Variants in SLC36A4 observed in about 807,000 individuals in gnomAD.
The protein encoded by SLC36A4 is neutral amino acid uniporter 4.
SLC36A4 carries 49 observed loss-of-function variants against 50.5 expected under a neutral mutation model. The ratio of observed to expected loss-of-function variants is 0.97; its 90% CI spans 0.77 to 1.23. SLC36A4 has a LOEUF of 1.23. SLC36A4 is among the 50% of genes most tolerant of loss of function. SLC36A4 has a pLI of 0.00. For missense variants in SLC36A4, 611 were observed against 608.4 expected, an observed-to-expected ratio of 1.00 and a Z score of -0.05; for synonymous variants, 207 against 206.5, an observed-to-expected ratio of 1.00 and a Z score of -0.02.
At chr11:93,184,287 T>C (rs113287327) in intron 3 of SLC36A4, 143 bp downstream of exon 3, 1 of 671,616 alleles carries the variant, frequency 1.5e-6, no homozygotes. Flanking sequence ...TTATCACAGT[T>C]GACACAATTT....
intron 1 of SLC36A4, among the ~76,000 whole-genome samples, chr11:93,190,483 A>G (rs1035517672): frequency 2.0e-5 from 3 of 152,130 alleles, no homozygotes; most frequent in Non-Finnish European, 4.4e-5. Flanking sequence ...TATCTTATGT[A>G]CTCCACAAAT....
At chr11:93,150,734 G>A (rs1280269850) in intron 10 of SLC36A4, among the ~76,000 whole-genome samples, 1 of 152,022 alleles carries the variant, frequency 6.6e-6, no homozygotes, top group Non-Finnish European at 1.5e-5. Context: ...GGGAGCTATA[G>A]AGCATAACTC....
In SLC36A4 at chr11:93,189,649, G is replaced by A. The variant is rs115045659; in HGVS notation, c.56-3835C>T. Among the ~76,000 whole-genome samples the A allele has an allele frequency of 4.8e-3, 730 of 152,252 alleles. 3 individuals are homozygous for A. The highest frequency in any genetic ancestry group is 0.017 in the African/African-American group (688 of 41,532). On this transcript the variant is annotated intron_variant, in intron 1 of 10. Transcript: ENST00000326402. ...TTCTGATTTCTTTCTGTCAGGGAGT[G>A]TGCAGTATGTTCTGTGCTGTACTAA...
chr11:93,194,668 A>C (rs577131411), intron 1 of SLC36A4, among the ~76,000 whole-genome samples: 1 of 152,310 alleles, frequency 6.6e-6, no homozygotes, highest in East Asian at 1.9e-4. Flanking sequence ...TTCATTACCC[A>C]CAAATTACTA....
chr11:93,182,925 A>T, intron 3 of SLC36A4, 31 bp from the exon 4 acceptor site: 1 of 1,471,398 alleles, frequency 6.8e-7, no homozygotes, highest in Non-Finnish European at 9.4e-7. Flanking sequence ...TAAGGTTTAA[A>T]TATTTAACAG....
At chr11:93,150,025 T>C (rs1448111109) in intron 10 of SLC36A4, among the ~76,000 whole-genome samples, 1 of 152,088 alleles carries the variant, frequency 6.6e-6, no homozygotes, top group Non-Finnish European at 1.5e-5. Flanking sequence ...TTGATGAGTT[T>C]TCTGCAAGTT....
rs112769433 is a variant in SLC36A4 at position 93,197,538 on chromosome 11, A to ACG, written c.55+238_55+239dup. On this transcript the variant is annotated intron_variant, in intron 1 of 10. Transcript: ENST00000326402. ...CCACTCAACACACACACTCACCCACACGCGCGCGCGCAAACACACACACAC... is the reference window on the plus strand; with the variant it reads ...CCACTCAACACACACACTCACCCACACGCGCGCGCGCGCAAACACACACACAC... The ACG allele has an allele frequency of 3.5e-5, 19 of 546,390 alleles. No individual in the cohort carries two copies. In the Admixed American group the frequency reaches 6.1e-4, roughly 18 times the overall value. The allele number at this position is 546,390 out of a possible 1,614,324, so 33.8% of individuals were successfully genotyped here.
At chr11:93,175,401 C>G (rs1861412017) in intron 6 of SLC36A4, among the ~76,000 whole-genome samples, 1 of 149,882 alleles carries the variant, frequency 6.7e-6, no homozygotes, top group African/African-American at 2.4e-5. Flanking sequence ...AAAACCAGCT[C>G]CTGGATTCAT....
At chr11:93,192,976 G>A (rs1281854429) in intron 1 of SLC36A4, 2 of 165,210 alleles carry the variant, frequency 1.2e-5, no homozygotes. Flanking sequence ...TACATAGATA[G>A]AATATGAAGA....
rs1859921526 is a variant in SLC36A4, at chr11:93,148,253, T to C, written c.*284A>G. 4 of 247,548 alleles carry C rather than the reference T, an allele frequency of 1.6e-5. No individual in the cohort carries two copies. In the South Asian group the frequency reaches 2.4e-4, roughly 15 times the overall value. The allele number at this position is 247,548 out of a possible 1,614,324, so 15.3% of individuals were successfully genotyped here. ...TTGGTTAAGGTATTTCTTACTGAGA[T>C]AAAAGAATAATAGAAGTATTTTTAT... On this transcript the variant is annotated 3_prime_UTR_variant, in exon 11 of 11. Coordinates refer to ENST00000326402, the MANE Select transcript of SLC36A4 (RefSeq NM_152313.4).
intron 7 of SLC36A4, 22 bp downstream of exon 7, chr11:93,167,918 CTTAG>C (rs771719551): frequency 6.8e-7 from 1 of 1,481,030 alleles, no homozygotes; most frequent in Admixed American, 2.1e-5. Flanking sequence ...AAGATAAGAA[CTTAG>C]TTAAAAACTT....
At chr11:93,149,858 T>G (rs533874437) in intron 10 of SLC36A4, among the ~76,000 whole-genome samples, 18 of 152,154 alleles carry the variant, frequency 1.2e-4, no homozygotes, top group African/African-American at 4.3e-4. Flanking sequence ...TTGGTTTTAA[T>G]AACTGTACTG....
At chr11:93,180,712 A>G (rs1861695640) in intron 6 of SLC36A4, 85 bp downstream of exon 6, 9 of 911,124 alleles carry the variant, frequency 9.9e-6, no homozygotes, top group Admixed American at 2.5e-5. Flanking sequence ...TTTCAAATTC[A>G]ACTGTGGCTT....
intron 9 of SLC36A4, among the ~76,000 whole-genome samples, chr11:93,162,474 A>G (rs1860664294): frequency 6.6e-6 from 1 of 151,978 alleles, no homozygotes; most frequent in Admixed American, 6.6e-5. Flanking sequence ...ACGCCTGGCT[A>G]ATTTTTGTAT....
chr11:93,175,147 G>T (rs1458698651), intron 6 of SLC36A4, among the ~76,000 whole-genome samples: 5 of 151,510 alleles, frequency 3.3e-5, no homozygotes, highest in African/African-American at 9.7e-5. Flanking sequence ...TCTATTCAGA[G>T]ATTCAACTTC....
At chr11:93,182,968 G>A in intron 3 of SLC36A4, 74 bp from the exon 4 acceptor site, 1 of 1,046,484 alleles carries the variant, frequency 9.6e-7, no homozygotes, top group Non-Finnish European at 1.4e-6. Context: ...ATGAATCAAT[G>A]GATTATTCAC....
intron 1 of SLC36A4, among the ~76,000 whole-genome samples, chr11:93,188,693 A>G (rs1189490622): frequency 2.0e-5 from 3 of 152,162 alleles, no homozygotes; most frequent in Non-Finnish European, 4.4e-5. Context: ...CTAGAAATTT[A>G]TTATGTTCAC....
At chr11:93,159,364 C>A (rs764820276) in intron 9 of SLC36A4, among the ~76,000 whole-genome samples, 1 of 152,076 alleles carries the variant, frequency 6.6e-6, no homozygotes, top group Non-Finnish European at 1.5e-5. Context: ...ATAAGTCAAC[C>A]TTCAGGTATG....
intron 9 of SLC36A4, among the ~76,000 whole-genome samples, chr11:93,158,511 A>G (rs1232097698): frequency 1.3e-5 from 2 of 152,252 alleles, no homozygotes; most frequent in South Asian, 4.1e-4. Context: ...GGGAAATAAA[A>G]TGGTGTGGAT....
Sources: gnomAD v4.1 joint callset for allele counts (sites outside exome capture counted in the v4.1 genomes callset) on GRCh38, gnomAD v4.1.1 for gene constraint, MANE v1.5 for transcripts, NCBI Gene and HGNC (gene_info 2026-07-23, HGNC 2026-07-21) for gene names.